The following COX5A variants were observed in gnomAD, a reference collection of about 807,000 sequenced individuals.
COX5A encodes cytochrome c oxidase subunit 5A, mitochondrial.
COX5A carries 6 observed loss-of-function variants against 16.1 expected under a neutral mutation model. The ratio of observed to expected loss-of-function variants is 0.37; its 90% confidence interval spans 0.20 to 0.73. The LOEUF (loss-of-function observed/expected upper bound fraction) is 0.73. Among genes scored for constraint, COX5A ranks in the 30% least tolerant of loss-of-function variants. The pLI, the probability that COX5A is intolerant of heterozygous loss-of-function variation, is 0.50. For missense variants in COX5A, 159 were observed against 194.9 expected, an observed-to-expected ratio of 0.82 and a Z score of 1.10; for synonymous variants, 73 against 73.8, an observed-to-expected ratio of 0.99 and a Z score of 0.06.
At chr15:74,921,895 T>C (rs1466149212) in intron 4 of COX5A, among the ~76,000 whole-genome samples, 1 of 151,770 alleles carries the variant, frequency 6.6e-6, no homozygotes, top group Non-Finnish European at 1.5e-5. Context: ...TGGACAAAGA[T>C]AAAATGAAAA....
chr15:74,924,241 G>A (rs916732572), intron 3 of COX5A, among the ~76,000 whole-genome samples: 3 of 151,278 alleles, frequency 2.0e-5, no homozygotes, highest in Admixed American at 1.3e-4. Context: ...ACATTTGTTC[G>A]GTAAGTAGGG....
At chr15:74,936,169 T>G (rs938365634) in intron 1 of COX5A, among the ~76,000 whole-genome samples, 5 of 152,140 alleles carry the variant, frequency 3.3e-5, no homozygotes, top group African/African-American at 1.2e-4. Context: ...CAGGTGCCTG[T>G]AACCCCAGCT....
At chr15:74,928,635 C>T (rs545972867) in intron 2 of COX5A, among the ~76,000 whole-genome samples, 15 of 152,306 alleles carry the variant, frequency 9.8e-5, no homozygotes, top group African/African-American at 2.4e-4. Flanking sequence ...TCCGCCCACC[C>T]TGGCCTCCTA....
rs1412206272 is a variant in COX5A, at chr15:74,934,497, A to AT, written c.100+3417dup. Among the ~76,000 whole-genome samples, 3 of 151,880 alleles carry AT rather than the reference A, an allele frequency of 2.0e-5. No homozygotes were observed. In the East Asian group the frequency reaches 5.8e-4, roughly 30 times the overall value. On this transcript the variant is annotated intron_variant, in intron 1 of 4. Transcript: ENST00000322347. ...AGGCACTCGCCACCACGCCCGGCTA[A>AT]TTTTTTTGTATTTTTAGTAGAGACG...
At chr15:74,937,820 G>A (rs1005853136) in intron 1 of COX5A, 95 bp downstream of exon 1, 9 of 766,890 alleles carry the variant, frequency 1.2e-5, no homozygotes, top group East Asian at 1.0e-4. Flanking sequence ...GTAGGGCAAG[G>A]GCTAGGCCGG....
At chr15:74,921,285 G>A (rs1289265247) in intron 4 of COX5A, among the ~76,000 whole-genome samples, 2 of 151,592 alleles carry the variant, frequency 1.3e-5, no homozygotes, top group East Asian at 1.9e-4. Context: ...GCGGGTGCCT[G>A]TAGTCCCAGC....
At position 74,922,158 on chromosome 15, in the gene COX5A, G is replaced by A. The variant is rs367897216; in HGVS notation, c.*9+1490C>T. On this transcript the variant is annotated intron_variant, in intron 4 of 4. Coordinates refer to ENST00000322347, the MANE Select transcript of COX5A (RefSeq NM_004255.4). The stretch of plus-strand genomic sequence containing the variant: ...TCCCAGCACTTTGGGAGGCTGAGGC[G>A]GGTGGATCACCTGAAATCAGGAGTT... Among the ~76,000 whole-genome samples the A allele has an allele frequency of 1.4e-3, 209 of 152,218 alleles. 1 individual carries two copies. Among genetic ancestry groups the A allele is most frequent in the African/African-American group, 3.6e-3 (150 of 41,548 alleles).
At chr15:74,932,207 C>A (rs2065370534) in intron 1 of COX5A, among the ~76,000 whole-genome samples, 1 of 152,164 alleles carries the variant, frequency 6.6e-6, no homozygotes, top group Non-Finnish European at 1.5e-5. Context: ...TCTTAGTTGT[C>A]TATTTATAGA....
chr15:74,922,824 C>G (rs2141269893), intron 4 of COX5A, among the ~76,000 whole-genome samples: 1 of 152,176 alleles, frequency 6.6e-6, no homozygotes, highest in East Asian at 1.9e-4. Flanking sequence ...TGCCACCACA[C>G]CCAGCTAATT....
chr15:74,930,799 C>A (rs1394647288), intron 1 of COX5A, among the ~76,000 whole-genome samples: 1 of 150,150 alleles, frequency 6.7e-6, no homozygotes, highest in Non-Finnish European at 1.5e-5. Context: ...GGGCAGATCA[C>A]CAGGTCAGGA....
intron 2 of COX5A, among the ~76,000 whole-genome samples, chr15:74,928,848 C>T (rs566747635): frequency 2.0e-5 from 3 of 152,190 alleles, no homozygotes; most frequent in Non-Finnish European, 4.4e-5. Flanking sequence ...CATACTGGCT[C>T]CTAGCAGGTA....
rs758341892 is a variant in COX5A, at chr15:74,935,627, AT to A, written c.100+2287del. 1.0e-3 allele frequency among the ~76,000 whole-genome samples: 151 copies of A among 151,124 alleles called. No homozygotes were observed. In the Middle Eastern group the frequency reaches 0.014, roughly 14 times the overall value. On this transcript the variant is annotated intron_variant, in intron 1 of 4. Coordinates refer to ENST00000322347, the MANE Select transcript of COX5A (RefSeq NM_004255.4). ...AAAAAAAAAATAAATAAATAAATAA[AT>A]AAAAAATTTTTTTTTTGAGATGGCA...
intron 1 of COX5A, among the ~76,000 whole-genome samples, chr15:74,934,532 C>T (rs1051892059): frequency 6.6e-6 from 1 of 152,060 alleles, no homozygotes; most frequent in East Asian, 1.9e-4. Context: ...GGGGTTTCAC[C>T]GCGTTAGCCA....
intron 3 of COX5A, 60 bp downstream of exon 3, chr15:74,926,706 G>A (rs1215441713): frequency 6.5e-7 from 1 of 1,534,792 alleles, no homozygotes; most frequent in East Asian, 2.3e-5. Flanking sequence ...AGAATATTCT[G>A]ATACCTCAGC....
intron 1 of COX5A, among the ~76,000 whole-genome samples, chr15:74,937,500 T>C (rs953182954): frequency 6.6e-6 from 1 of 152,160 alleles, no homozygotes; most frequent in Admixed American, 6.5e-5. Flanking sequence ...CGGAAGTATA[T>C]TGTGTCCTCG....
chr15:74,936,265 TCAAGAAAAAA>T (rs2065389548), intron 1 of COX5A, among the ~76,000 whole-genome samples: 1 of 149,438 alleles, frequency 6.7e-6, no homozygotes, highest in Admixed American at 6.7e-5. Context: ...AAACTCTGTC[TCAAGAAAAAA>T]CAAAACAAAA....
intron 1 of COX5A, among the ~76,000 whole-genome samples, chr15:74,931,391 C>T (rs1049662652): frequency 1.3e-5 from 2 of 151,334 alleles, no homozygotes; most frequent in Non-Finnish European, 2.9e-5. Flanking sequence ...ATCTCAGCTA[C>T]GCGAGAGACT....
chr15:74,927,958 TA>T (rs1397267995), intron 2 of COX5A, among the ~76,000 whole-genome samples: 1 of 152,190 alleles, frequency 6.6e-6, no homozygotes, highest in African/African-American at 2.4e-5. Context: ...TGGGCATGAT[TA>T]CTTTCAGATC....
Position 74,937,930 on chromosome 15 carries a change from GGGTCCGGGCGGA to G in COX5A, c.73_84del (p.Ser25_Thr28del). ...GGGGCCTTACCCACGGCGGGGCCGG[GGGTCCGGGCGGA>G]GTGCAGGAGGCCTCGAGGGTCGGCC... On this transcript the variant is annotated inframe_deletion, in exon 1 of 5. Transcript: ENST00000322347. 1 of 1,232,232 alleles carries G rather than the reference GGGTCCGGGCGGA, an allele frequency of 8.1e-7. No homozygotes were observed. Among genetic ancestry groups the G allele is most frequent in the Non-Finnish European group, 1.0e-6 (1 of 987,064 alleles). 76.3% of individuals were successfully genotyped at this position (1,232,232 alleles called of 1,614,324 possible).
Sources: gnomAD v4.1 joint callset for allele counts (sites outside exome capture counted in the v4.1 genomes callset) on GRCh38, gnomAD v4.1.1 for gene constraint, MANE v1.5 for transcripts, NCBI Gene and HGNC (gene_info 2026-07-23, HGNC 2026-07-21) for gene names.